Variants in ADAMTS6 observed in about 807,000 individuals in gnomAD.
The protein encoded by ADAMTS6 is A disintegrin and metalloproteinase with thrombospondin motifs 6.
In ADAMTS6, 23 loss-of-function variants were observed where a neutral mutation model predicts 144.3. The observed-to-expected ratio is 0.16, with a 90% confidence interval of 0.11 to 0.23. The LOEUF is 0.23. Among genes scored for constraint, ADAMTS6 ranks in the 10% least tolerant of loss-of-function variants. The pLI is 1.00. For synonymous variants in ADAMTS6, 444 were observed against 457.5 expected (o/e 0.97, Z 0.38); for missense variants, 999 against 1,379.6 (o/e 0.72, Z 4.37).
intron 9 of ADAMTS6, among the ~76,000 whole-genome samples, chr5:65,300,371 G>A (rs1323070193): frequency 1.3e-5 from 2 of 152,056 alleles, no homozygotes; most frequent in Non-Finnish European, 2.9e-5. Flanking sequence ...ACCTGTTATC[G>A]CACGTTTCAA....
At chr5:65,232,711 C>A (rs1201601990) in intron 15 of ADAMTS6, among the ~76,000 whole-genome samples, 2 of 149,662 alleles carry the variant, frequency 1.3e-5, no homozygotes, top group Non-Finnish European at 3.0e-5. Context: ...AAAAAAAAAA[C>A]CTCTCATCAA....
intron 24 of ADAMTS6, among the ~76,000 whole-genome samples, chr5:65,159,323 GT>G (rs894025007): frequency 1.3e-5 from 2 of 151,856 alleles, no homozygotes; most frequent in Admixed American, 6.6e-5. Context: ...TCAAACCCCA[GT>G]TTTTTTTCAC....
chr5:65,234,064 T>C (rs1026727788), intron 15 of ADAMTS6, among the ~76,000 whole-genome samples: 7 of 128,146 alleles, frequency 5.5e-5, no homozygotes, highest in African/African-American at 1.8e-4. Flanking sequence ...CTGGGGAAAA[T>C]AGATGGTCAC....
rs752912116 is a variant in ADAMTS6 at position 65,224,981 on chromosome 5, C to T, written c.2134G>A (p.Asp712Asn). ...TCAATGGCATCACATGTGCTTCCGT[C>T]CCCTCCACAGACTCGACATCTATCT... ...REDRCRVCGG[D>N]GSTCDAIEGF... is the part of the protein sequence containing the mutation. The change falls in exon 17 of 25, where the codon GAC (aspartate) becomes AAC (asparagine). Residue 712 changes from aspartate to asparagine, a missense_variant. By Grantham distance (23) the Asp-to-Asn change is conservative. Coordinates refer to ENST00000381055, the MANE Select transcript of ADAMTS6 (RefSeq NM_197941.4). 6.2e-7 allele frequency: 1 copy of T among 1,614,100 alleles called. No individual in the cohort carries two copies. Among genetic ancestry groups the T allele is most frequent in the East Asian group, 2.2e-5 (1 of 44,880 alleles).
chr5:65,334,190 C>T, intron 7 of ADAMTS6, 105 bp from the exon 8 acceptor site: 1 of 1,226,916 alleles, frequency 8.2e-7, no homozygotes, highest in Non-Finnish European at 1.1e-6. Flanking sequence ...ACAATTAATG[C>T]AATTATGAGC....
At chr5:65,445,768 C>T (rs1311308517) in intron 7 of ADAMTS6, among the ~76,000 whole-genome samples, 3 of 151,678 alleles carry the variant, frequency 2.0e-5, no homozygotes, top group Non-Finnish European at 4.4e-5. Flanking sequence ...CAACAAGGCA[C>T]GGATAAAAGG....
chr5:65,360,788 A>T (rs754062870), intron 7 of ADAMTS6, among the ~76,000 whole-genome samples: 15 of 152,222 alleles, frequency 9.9e-5, no homozygotes, highest in Non-Finnish European at 1.9e-4. Context: ...AGTGAATGTT[A>T]TAAGAGTTCA....
Position 65,214,741 on chromosome 5 carries a change from GTGTTT to G in ADAMTS6, c.2575+48_2575+52del. 6.2e-7 allele frequency: 1 copy of G among 1,611,892 alleles called. No individual in the cohort carries two copies. The highest frequency in any genetic ancestry group is 8.5e-7 in the Non-Finnish European group (1 of 1,178,678). ...ACAAACACAAAGCATAGCTCAGAAT[GTGTTT>G]TGTTCTCCATCTTGCCCTCTGGGTG... is the stretch of plus-strand genomic sequence containing the variant. On this transcript the variant is annotated intron_variant, in intron 20 of 24. Transcript: ENST00000381055. The surrounding 1 kb of genome is among the most constrained non-coding windows in gnomAD (Gnocchi z 4.6).
intron 20 of ADAMTS6, among the ~76,000 whole-genome samples, chr5:65,204,573 G>A (rs527996532): frequency 3.3e-5 from 5 of 152,302 alleles, no homozygotes; most frequent in African/African-American, 1.2e-4. Context: ...GGAATTGTGG[G>A]AGAGAGTGAA....
chr5:65,398,977 G>GC, intron 7 of ADAMTS6, among the ~76,000 whole-genome samples: 1 of 152,140 alleles, frequency 6.6e-6, no homozygotes, highest in East Asian at 1.9e-4. Flanking sequence ...GGATTTCTTG[G>GC]CTGGGTGCGG....
chr5:65,383,519 T>C (rs1186680816), intron 7 of ADAMTS6, among the ~76,000 whole-genome samples: 1 of 152,188 alleles, frequency 6.6e-6, no homozygotes, highest in Non-Finnish European at 1.5e-5. Context: ...ATTGACTCCA[T>C]GACTCACCTT....
chr5:65,313,128 A>AACACACACAC (rs61525269), intron 9 of ADAMTS6, among the ~76,000 whole-genome samples: 103 of 135,848 alleles, frequency 7.6e-4, no homozygotes, highest in Middle Eastern at 3.8e-3. Flanking sequence ...TTATTTCTGC[A>AACACACACAC]ACACACACAC....
At chr5:65,373,558 G>A (rs1751195924) in intron 7 of ADAMTS6, among the ~76,000 whole-genome samples, 1 of 151,740 alleles carries the variant, frequency 6.6e-6, no homozygotes, top group Admixed American at 6.6e-5. Context: ...ACTAAACCAG[G>A]AAGAAGTTGA....
At chr5:65,450,194 C>T (rs919311151) in intron 7 of ADAMTS6, among the ~76,000 whole-genome samples, 1 of 152,046 alleles carries the variant, frequency 6.6e-6, no homozygotes, top group African/African-American at 2.4e-5. Context: ...TTTTATCAGA[C>T]TAAAATGTCA....
At chr5:65,446,206 A>G (rs184054118) in intron 7 of ADAMTS6, among the ~76,000 whole-genome samples, 131 of 152,346 alleles carry the variant, frequency 8.6e-4, no homozygotes, top group Admixed American at 1.6e-3. Context: ...CCTTTTCTCT[A>G]TCTGTCCTAA....
chr5:65,326,487 T>C (rs529313209), intron 9 of ADAMTS6, among the ~76,000 whole-genome samples: 2 of 152,192 alleles, frequency 1.3e-5, no homozygotes, highest in Non-Finnish European at 1.5e-5. Flanking sequence ...ATCTCACAGC[T>C]ATTTTAAATA....
intron 10 of ADAMTS6, among the ~76,000 whole-genome samples, chr5:65,297,627 A>C (rs774547458): frequency 1.3e-5 from 2 of 152,216 alleles, no homozygotes; most frequent in Non-Finnish European, 2.9e-5. Flanking sequence ...AAAAAATATC[A>C]CGCATAGCTG....
intron 2 of ADAMTS6, among the ~76,000 whole-genome samples, chr5:65,471,592 C>A (rs1760441619): frequency 1.4e-5 from 2 of 144,956 alleles, no homozygotes; most frequent in South Asian, 2.1e-4. Flanking sequence ...CCCGCCTCTA[C>A]TAAAAATACA....
At chr5:65,369,771 G>C (rs1388873468) in intron 7 of ADAMTS6, among the ~76,000 whole-genome samples, 1 of 152,014 alleles carries the variant, frequency 6.6e-6, no homozygotes, top group East Asian at 1.9e-4. Flanking sequence ...ATGAATATGA[G>C]CTATCTGGCT....
Sources: allele counts gnomAD v4.1 joint callset (sites outside exome capture counted in the v4.1 genomes callset), GRCh38; gene constraint gnomAD v4.1.1; non-coding constraint Gnocchi (gnomAD v3.1); transcripts MANE v1.5; gene names NCBI Gene and HGNC (gene_info 2026-07-23, HGNC 2026-07-21).